Variants in FUBP3 observed in about 807,000 individuals in gnomAD.
The protein encoded by FUBP3 is far upstream element binding protein 3, also known as far upstream element-binding protein 3.
A neutral mutation model predicts 85.6 loss-of-function variants in FUBP3; 28 were observed. The observed-to-expected ratio is 0.33, with a 90% confidence interval of 0.24 to 0.45. FUBP3 has a LOEUF of 0.45. FUBP3 is among the 20% of genes least tolerant of loss of function. FUBP3 has a pLI of 1.00. For missense variants in FUBP3, 583 were observed against 755.1 expected (o/e 0.77, Z 2.67); for synonymous variants, 271 against 271.4 (o/e 1.00, Z 0.01).
chr9:130,629,211 A>T (rs961928979), intron 12 of FUBP3, among the ~76,000 whole-genome samples: 3 of 152,192 alleles, frequency 2.0e-5, no homozygotes, highest in Non-Finnish European at 4.4e-5. Flanking sequence ...CCCAGAGGAA[A>T]TCAGAGCTGT....
intron 2 of FUBP3, among the ~76,000 whole-genome samples, chr9:130,604,628 A>T (rs1831326410): frequency 1.3e-5 from 2 of 152,204 alleles, no homozygotes. Context: ...CGGGCCTGGC[A>T]TGGTTGCTCA....
In FUBP3 at chr9:130,630,628, G is replaced by C. The variant is rs757066522; in HGVS notation, c.1118G>C (p.Gly373Ala). Residue 373 changes from glycine (G) to alanine (A), a missense_variant and splice_region_variant, in exon 13 of 19, where the codon GGG becomes GCG. Gly to Ala is a moderately conservative substitution (Grantham distance 60). Transcript: ENST00000319725. ...TCTGCCTGTGTTGTGCTGTCCGCAG[G>C]GGGTGAGAACATCAAAAGCATCAAC... Reference protein sequence around the residue: ...ADKCGLVIGKGGENIKSINQQ... With the variant: ...ADKCGLVIGKAGENIKSINQQ... The C allele has an allele frequency of 4.0e-5, 64 of 1,594,370 alleles. No homozygotes were observed. The highest frequency in any genetic ancestry group is 5.0e-5 in the Non-Finnish European group (58 of 1,171,004).
chr9:130,618,968 G>C (rs1392125517), intron 8 of FUBP3, among the ~76,000 whole-genome samples: 1 of 152,170 alleles, frequency 6.6e-6, no homozygotes, highest in Non-Finnish European at 1.5e-5. Flanking sequence ...CCCATGCGCT[G>C]CCTCCTCCAG....
chr9:130,608,975 G>T (rs76297678), intron 2 of FUBP3, among the ~76,000 whole-genome samples: 35 of 152,242 alleles, frequency 2.3e-4, no homozygotes, highest in African/African-American at 8.2e-4. Context: ...GGGTGTAATC[G>T]ATCCTTTGCG....
rs532673104 is a variant in FUBP3 at position 130,624,860 on chromosome 9, C to T, written c.975+1149C>T. 5.9e-5 allele frequency among the ~76,000 whole-genome samples: 9 copies of T among 152,128 alleles called. No homozygotes were observed. In the South Asian group the frequency reaches 6.2e-4, roughly 11 times the overall value. ...CAGCATTTTGGGAGGCCGAGGCAAG[C>T]GGATCACCTGAGGTCAGGAGTTCGA... On this transcript the variant is annotated intron_variant, in intron 11 of 18. Transcript: ENST00000319725.
intron 1 of FUBP3, among the ~76,000 whole-genome samples, chr9:130,588,946 C>T (rs1020051185): frequency 3.3e-5 from 5 of 152,178 alleles, no homozygotes; most frequent in African/African-American, 7.2e-5. Context: ...GGCTGTGCCG[C>T]GCAGGCTCTG....
Position 130,579,661 on chromosome 9 carries a change from C to T in FUBP3, c.-20C>T. The T allele has an allele frequency of 1.7e-6, 2 of 1,203,716 alleles. No homozygotes were observed. The highest frequency in any genetic ancestry group is 1.6e-5 in the African/African-American group (1 of 64,044). The allele number at this position is 1,203,716 out of a possible 1,614,324, so 74.6% of individuals were successfully genotyped here. A position where few individuals can be genotyped will look rare whatever the true frequency, so the allele number is the denominator to read the frequency against. The stretch of plus-strand genomic sequence containing the variant: ...GCGTCGGCGGCGTCGGCGGCGGCGG[C>T]GACGGCGGCGGGGGCGGTAATGGCG... On this transcript the variant is annotated 5_prime_UTR_variant, in exon 1 of 19. Transcript: ENST00000319725.
In FUBP3 at chr9:130,614,310, G is replaced by A; in HGVS notation, c.369G>A (p.Arg123=). 6.2e-7 allele frequency: 1 copy of A among 1,605,726 alleles called. No homozygotes were observed. The stretch of plus-strand genomic sequence containing the variant: ...TAGAGAGTTCTGGGATTCCAGAGAG[G>A]CCCTGTGTACTTACCGGAACCCCAG... The part of the protein sequence containing the change: ...IASESSGIPE[R]PCVLTGTPES... Residue 123 remains arginine, a synonymous_variant, in exon 6 of 19, where the codon AGG becomes AGA. Coordinates refer to ENST00000319725, the MANE Select transcript of FUBP3 (RefSeq NM_003934.2).
chr9:130,587,341 G>A (rs1299966911), intron 1 of FUBP3, among the ~76,000 whole-genome samples: 2 of 152,172 alleles, frequency 1.3e-5, no homozygotes, highest in Non-Finnish European at 2.9e-5. Context: ...GGGATTACAG[G>A]TGTGAGCCAC....
Position 130,632,005 on chromosome 9 carries a change from C to T in FUBP3, c.1416C>T (p.Pro472=). 1.2e-6 allele frequency: 2 copies of T among 1,611,006 alleles called. No homozygotes were observed. Among genetic ancestry groups the T allele is most frequent in the Non-Finnish European group, 8.5e-7 (1 of 1,177,156 alleles). The change falls in exon 15 of 19, where the codon CCC becomes CCT. Residue 472 remains proline (P), a synonymous_variant. Coordinates refer to ENST00000319725, the MANE Select transcript of FUBP3 (RefSeq NM_003934.2). ...TGGCTGCCAAGGTGAATGGGAACCC[C>T]CACAGCACCCCTGTGAGGTAGGTGA... is the stretch of plus-strand genomic sequence containing the variant. The part of the protein sequence containing the change: ...PNMAAKVNGN[P]HSTPVSGPPA...
At chr9:130,584,895 G>C (rs1246573696) in intron 1 of FUBP3, among the ~76,000 whole-genome samples, 1 of 151,638 alleles carries the variant, frequency 6.6e-6, no homozygotes, top group Non-Finnish European at 1.5e-5. Context: ...AGGCACTGTG[G>C]CTCATGCCTG....
At chr9:130,594,949 G>C (rs1487121355) in intron 1 of FUBP3, among the ~76,000 whole-genome samples, 2 of 150,902 alleles carry the variant, frequency 1.3e-5, no homozygotes, top group Non-Finnish European at 2.9e-5. Flanking sequence ...ATTTGCGGCC[G>C]GGCGCAGTGG....
intron 1 of FUBP3, among the ~76,000 whole-genome samples, chr9:130,589,164 A>T (rs1020144118): frequency 3.3e-5 from 5 of 152,186 alleles, no homozygotes; most frequent in African/African-American, 1.2e-4. Flanking sequence ...TTGGATTTAT[A>T]AGGTGACCTA....
intron 1 of FUBP3, among the ~76,000 whole-genome samples, chr9:130,589,696 T>TAC (rs1564190934): frequency 1.2e-4 from 4 of 32,892 alleles, no homozygotes; most frequent in South Asian, 8.9e-4. Flanking sequence ...TATATATATA[T>TAC]ATATATATAT....
At chr9:130,626,305 A>G (rs1829968223) in intron 11 of FUBP3, 59 bp from the exon 12 acceptor site, 1 of 1,540,630 alleles carries the variant, frequency 6.5e-7, no homozygotes, top group Non-Finnish European at 8.8e-7. Context: ...CCTGGAAAAG[A>G]GAGGAGCAGT....
At chr9:130,598,454 G>A (rs954990737) in intron 2 of FUBP3, among the ~76,000 whole-genome samples, 1 of 152,228 alleles carries the variant, frequency 6.6e-6, no homozygotes, top group African/African-American at 2.4e-5. Context: ...GACACTGTCC[G>A]TTAGTGAGGT....
At chr9:130,594,734 G>T (rs1220759115) in intron 1 of FUBP3, among the ~76,000 whole-genome samples, 2 of 152,148 alleles carry the variant, frequency 1.3e-5, no homozygotes, top group African/African-American at 4.8e-5. Context: ...ACTCCAGCCT[G>T]GATGACAGAG....
intron 2 of FUBP3, among the ~76,000 whole-genome samples, chr9:130,603,163 A>G (rs562710744): frequency 6.6e-6 from 1 of 152,196 alleles, no homozygotes; most frequent in African/African-American, 2.4e-5. Flanking sequence ...CCTGGCCAAC[A>G]TGGTAAAACC....
intron 10 of FUBP3, 125 bp from the exon 11 acceptor site, chr9:130,623,486 C>G (rs1829838318): frequency 1.5e-6 from 1 of 663,158 alleles, no homozygotes; most frequent in Non-Finnish European, 2.7e-6. Context: ...GTCCCTGCAG[C>G]TGGCAGTATT....
Sources: gnomAD v4.1 joint callset for allele counts (sites outside exome capture counted in the v4.1 genomes callset) on GRCh38, gnomAD v4.1.1 for gene constraint, MANE v1.5 for transcripts, NCBI Gene and HGNC (gene_info 2026-07-23, HGNC 2026-07-21) for gene names.